Variants in USP20 observed in about 807,000 individuals in gnomAD.
USP20 encodes ubiquitin carboxyl-terminal hydrolase 20.
USP20 carries 80 observed loss-of-function variants against 124.2 expected under a neutral mutation model. The ratio of observed to expected loss-of-function variants is 0.64; its 90% CI spans 0.54 to 0.78. The LOEUF is 0.78. Ranked by LOEUF, USP20 falls within the 30% of genes least tolerant of loss-of-function variation. The pLI, the probability that USP20 is intolerant of heterozygous loss-of-function variation, is 0.00. For synonymous variants in USP20, 481 were observed against 512.3 expected, an observed-to-expected ratio of 0.94 and a Z score of 0.83; for missense variants, 1,043 against 1,244.4, an observed-to-expected ratio of 0.84 and a Z score of 2.44.
At position 129,869,345 on chromosome 9, in the gene USP20, GAGCAGCGCT is replaced by G. The variant is rs780584641; in HGVS notation, c.1314_1322del (p.Glu438_Tyr441delinsAsp). On this transcript the variant is annotated inframe_deletion, in exon 13 of 26. Transcript: ENST00000372429. ...GAGTGCTGGCAGCCGGAGGCGGAAG[GAGCAGCGCT>G]ACCGCAGCGTCATCTCAGACATCTT... 2 of 1,613,580 alleles carry G rather than the reference GAGCAGCGCT, an allele frequency of 1.2e-6. No individual in the cohort carries two copies. Among genetic ancestry groups the G allele is most frequent in the African/African-American group, 1.3e-5 (1 of 74,946 alleles).
intron 3 of USP20, among the ~76,000 whole-genome samples, chr9:129,853,979 A>G (rs1382603323): frequency 3.1e-5 from 4 of 127,492 alleles, no homozygotes; most frequent in Non-Finnish European, 6.7e-5. Context: ...TAAAACCAAC[A>G]CCGTTCTAAA....
At chr9:129,869,099 G>A (rs2033983352) in intron 12 of USP20, 97 bp downstream of exon 12, 21 of 1,472,876 alleles carry the variant, frequency 1.4e-5, no homozygotes, top group Non-Finnish European at 1.9e-5. Flanking sequence ...GGAGGGCCGG[G>A]CTATGGGCTC....
chr9:129,870,029 G>A, intron 14 of USP20, 185 bp downstream of exon 14: 1 of 695,006 alleles, frequency 1.4e-6, no homozygotes, highest in Non-Finnish European at 2.4e-6. Flanking sequence ...ACTTTGAAGT[G>A]GCCAGGATTG....
At chr9:129,873,422 T>G in intron 15 of USP20, 60 bp from the exon 16 acceptor site, 5 of 1,599,652 alleles carry the variant, frequency 3.1e-6, no homozygotes, top group Non-Finnish European at 4.3e-6. Flanking sequence ...ATAGTCACTT[T>G]TTTTTGCTCC....
intron 1 of USP20, among the ~76,000 whole-genome samples, chr9:129,841,823 G>A (rs1261008097): frequency 6.6e-6 from 1 of 152,106 alleles, no homozygotes; most frequent in Non-Finnish European, 1.5e-5. Flanking sequence ...CCAAGAATCC[G>A]TGCATGAGTC....
At position 129,868,922 on chromosome 9, in the gene USP20, A is replaced by G; in HGVS notation, c.1196A>G (p.His399Arg). ...SSRPCSPVHH[H>R]EGHAKLSSSP... ...CGCCCCTGCAGCCCCGTCCACCACCACGAGGGCCATGCCAAGCTGTCTAGC... is the reference window on the plus strand; with the variant it reads ...CGCCCCTGCAGCCCCGTCCACCACCGCGAGGGCCATGCCAAGCTGTCTAGC... Residue 399 changes from histidine (H) to arginine (R), a missense_variant, in exon 12 of 26, where the codon CAC becomes CGC. Coordinates refer to ENST00000372429, the MANE Select transcript of USP20 (RefSeq NM_001110303.4). The G allele has an allele frequency of 6.2e-7, 1 of 1,612,012 alleles. No homozygotes were observed. The highest frequency in any genetic ancestry group is 8.5e-7 in the Non-Finnish European group (1 of 1,178,950).
intron 6 of USP20, among the ~76,000 whole-genome samples, 191 bp downstream of exon 6, chr9:129,858,789 C>A (rs937629012): frequency 6.6e-6 from 1 of 152,170 alleles, no homozygotes; most frequent in Non-Finnish European, 1.5e-5. Context: ...TGTGCCGAGG[C>A]ATGTGTGAGA....
intron 19 of USP20, 91 bp downstream of exon 19, chr9:129,875,046 C>T (rs2034323582): frequency 2.8e-5 from 42 of 1,511,584 alleles, no homozygotes; most frequent in Non-Finnish European, 3.7e-5. Context: ...GGGACAGCGC[C>T]TGGATTAAGC....
chr9:129,854,568 A>G (rs2033112250), intron 3 of USP20, among the ~76,000 whole-genome samples: 1 of 152,244 alleles, frequency 6.6e-6, no homozygotes. Context: ...AATATTTCAT[A>G]TCATACACAG....
At chr9:129,863,921 C>T (rs969885144) in intron 9 of USP20, among the ~76,000 whole-genome samples, 34 of 151,986 alleles carry the variant, frequency 2.2e-4, no homozygotes, top group African/African-American at 7.2e-4. Flanking sequence ...TTCTGGCCAA[C>T]ATGGTGAAAC....
chr9:129,849,859 CGCTGTCA>C lies in USP20; in HGVS notation c.-74_-68del, dbSNP rs1202815780. The C allele has an allele frequency of 1.3e-5, 2 of 152,282 alleles. No homozygotes were observed. Among genetic ancestry groups the C allele is most frequent in the Non-Finnish European group, 2.9e-5 (2 of 68,110 alleles). 9.4% of individuals were successfully genotyped at this position (152,282 alleles called of 1,614,324 possible). A position where few individuals can be genotyped will look rare whatever the true frequency, so the allele number is the denominator to read the frequency against. ...CTCACTCCAGACCCCTATAGCCCGT[CGCTGTCA>C]GCTGTCAACAAAGGATGCGAATGCT... On this transcript the variant is annotated 5_prime_UTR_variant, in exon 2 of 26. Coordinates refer to ENST00000372429, the MANE Select transcript of USP20 (RefSeq NM_001110303.4).
intron 22 of USP20, 144 bp from the exon 23 acceptor site, chr9:129,878,194 G>A: frequency 5.9e-6 from 4 of 676,280 alleles, no homozygotes; most frequent in Non-Finnish European, 1.1e-5. Context: ...TTGTCTGGGG[G>A]TTTGATTTTT....
chr9:129,852,319 A>G (rs1025806290), intron 2 of USP20, among the ~76,000 whole-genome samples: 8 of 152,198 alleles, frequency 5.3e-5, no homozygotes, highest in African/African-American at 1.7e-4. Flanking sequence ...GGCATTTGAC[A>G]GACATTGTCT....
At chr9:129,858,900 C>T (rs984740989) in intron 6 of USP20, among the ~76,000 whole-genome samples, 4 of 152,068 alleles carry the variant, frequency 2.6e-5, no homozygotes, top group Non-Finnish European at 5.9e-5. Flanking sequence ...GGGCCCAGGG[C>T]CATGAGGTGA....
chr9:129,848,490 G>C (rs893229612), intron 1 of USP20, among the ~76,000 whole-genome samples: 1 of 150,114 alleles, frequency 6.7e-6, no homozygotes, highest in Non-Finnish European at 1.5e-5. Flanking sequence ...CAAATCAAGA[G>C]TGAGTCTGTT....
chr9:129,869,045 T>C, intron 12 of USP20, 43 bp downstream of exon 12: 1 of 1,567,200 alleles, frequency 6.4e-7, no homozygotes, highest in East Asian at 2.3e-5. Context: ...AGGCTGGGAG[T>C]ACAGATTACG....
chr9:129,843,118 T>A (rs1398149814), intron 1 of USP20, among the ~76,000 whole-genome samples: 1 of 55,480 alleles, frequency 1.8e-5, no homozygotes, highest in East Asian at 3.3e-4. Flanking sequence ...TGACCAATAA[T>A]TTTTTTTTTT....
At chr9:129,869,542 AG>A in intron 13 of USP20, 117 bp downstream of exon 13, 1 of 1,518,858 alleles carries the variant, frequency 6.6e-7, no homozygotes, top group Non-Finnish European at 9.1e-7. Context: ...TATCCAGGGG[AG>A]GGCCCTGCCT....
rs1481063103 is a variant in USP20, at chr9:129,839,608, G to T, written c.-129+4109G>T. ...GCCAGAGGGGACTGTGGAGGGGGTGGGCACACACCCTGTGCGGGGCTGGGG... is the reference window on the plus strand; with the variant it reads ...GCCAGAGGGGACTGTGGAGGGGGTGTGCACACACCCTGTGCGGGGCTGGGG... On this transcript the variant is annotated intron_variant, in intron 1 of 25. Coordinates refer to ENST00000372429, the MANE Select transcript of USP20 (RefSeq NM_001110303.4). This position sits in a 1 kb window ranked among gnomAD's most constrained non-coding sequence, Gnocchi z 4.5. Among the ~76,000 whole-genome samples the T allele has an allele frequency of 2.0e-5, 3 of 151,988 alleles. No individual in the cohort carries two copies. Among genetic ancestry groups the T allele is most frequent in the Non-Finnish European group, 4.4e-5 (3 of 67,974 alleles).
Sources: gnomAD v4.1 joint callset for allele counts (sites outside exome capture counted in the v4.1 genomes callset) on GRCh38, gnomAD v4.1.1 for gene constraint, Gnocchi (gnomAD v3.1) non-coding constraint, MANE v1.5 for transcripts, NCBI Gene and HGNC (gene_info 2026-07-23, HGNC 2026-07-21) for gene names.